Variants in CACNG3 observed in about 807,000 individuals in gnomAD.
CACNG3 encodes voltage-dependent calcium channel gamma-3 subunit.
CACNG3 carries 3 observed loss-of-function variants against 28.5 expected under a neutral mutation model. The ratio of observed to expected loss-of-function variants is 0.11; its 90% confidence interval spans 0.05 to 0.27. The LOEUF (loss-of-function observed/expected upper bound fraction) is 0.27. Ranked by LOEUF, CACNG3 falls within the 10% of genes least tolerant of loss-of-function variation. The pLI, the probability that CACNG3 is intolerant of heterozygous loss-of-function variation, is 1.00. For missense variants in CACNG3, 236 were observed against 414.4 expected (o/e 0.57, Z 3.74); for synonymous variants, 174 against 162.2 (o/e 1.07, Z -0.55).
intron 1 of CACNG3, among the ~76,000 whole-genome samples, chr16:24,274,844 T>C (rs1055837353): frequency 2.0e-5 from 3 of 152,184 alleles, no homozygotes; most frequent in Non-Finnish European, 4.4e-5. Flanking sequence ...GTTTTATCAA[T>C]GAGTAAATGG....
At chr16:24,258,985 C>A (rs1275411858) in intron 1 of CACNG3, among the ~76,000 whole-genome samples, 1 of 152,192 alleles carries the variant, frequency 6.6e-6, no homozygotes, top group Non-Finnish European at 1.5e-5. Flanking sequence ...TTTCCAACAT[C>A]AAGTCCTACA....
intron 1 of CACNG3, among the ~76,000 whole-genome samples, chr16:24,318,751 G>T (rs1471925385): frequency 6.6e-6 from 1 of 152,154 alleles, no homozygotes; most frequent in Admixed American, 6.5e-5. Context: ...ACCAGAGGAA[G>T]GGCAGCTGTT....
chr16:24,291,068 C>G (rs1163742376), intron 1 of CACNG3, among the ~76,000 whole-genome samples: 2 of 152,212 alleles, frequency 1.3e-5, no homozygotes, highest in African/African-American at 2.4e-5. Flanking sequence ...TGTCACTTCA[C>G]TCTCCTGGGA....
At chr16:24,281,640 C>G (rs1375104555) in intron 1 of CACNG3, among the ~76,000 whole-genome samples, 1 of 152,128 alleles carries the variant, frequency 6.6e-6, no homozygotes, top group Non-Finnish European at 1.5e-5. Context: ...AAAGGGTCCC[C>G]GAAAGGTTGA....
At chr16:24,356,118 C>T (rs1900027957) in intron 3 of CACNG3, among the ~76,000 whole-genome samples, 1 of 152,154 alleles carries the variant, frequency 6.6e-6, no homozygotes, top group African/African-American at 2.4e-5. Context: ...TCCTACCCCA[C>T]TCCTCTTGGG....
At chr16:24,261,713 T>TA (rs1161698640) in intron 1 of CACNG3, among the ~76,000 whole-genome samples, 1 of 152,198 alleles carries the variant, frequency 6.6e-6, no homozygotes, top group Non-Finnish European at 1.5e-5. Context: ...ACAAGGAACT[T>TA]AAAGTTATGG....
At chr16:24,289,329 A>G (rs918478758) in intron 1 of CACNG3, among the ~76,000 whole-genome samples, 1 of 152,154 alleles carries the variant, frequency 6.6e-6, no homozygotes, top group African/African-American at 2.4e-5. Flanking sequence ...AAAAGAAAAA[A>G]AATCCCTTCA....
At chr16:24,350,626 AC>A (rs1899928651) in intron 2 of CACNG3, among the ~76,000 whole-genome samples, 2 of 152,212 alleles carry the variant, frequency 1.3e-5, no homozygotes, top group African/African-American at 4.8e-5. Flanking sequence ...TGTGTAACCA[AC>A]ACAGTTCAAT....
intron 1 of CACNG3, among the ~76,000 whole-genome samples, chr16:24,294,358 G>A (rs1482524353): frequency 2.0e-5 from 3 of 152,250 alleles, no homozygotes; most frequent in Admixed American, 1.3e-4. Context: ...AAGGCCTCGG[G>A]GTCCCCAGCC....
chr16:24,341,607 T>C lies in CACNG3; in HGVS notation c.212-5127T>C, dbSNP rs76631697. Among the ~76,000 whole-genome samples, 1,433 of 152,316 alleles carry C rather than the reference T, an allele frequency of 9.4e-3. 15 individuals carry two copies. The highest frequency in any genetic ancestry group is 0.014 in the Non-Finnish European group (971 of 68,030). ...TCATGGCAACTCCATGAAGTTACTA[T>C]TATTATCTTCATTCTGTAGAAGAAG... On this transcript the variant is annotated intron_variant, in intron 1 of 3. Transcript: ENST00000005284.
intron 1 of CACNG3, among the ~76,000 whole-genome samples, chr16:24,275,620 T>A (rs1422570633): frequency 6.6e-6 from 1 of 152,236 alleles, no homozygotes; most frequent in Non-Finnish European, 1.5e-5. Flanking sequence ...CTTGGGTATT[T>A]GGCAGACATT....
chr16:24,324,895 C>A (rs934454073), intron 1 of CACNG3, among the ~76,000 whole-genome samples: 3 of 152,188 alleles, frequency 2.0e-5, no homozygotes, highest in Non-Finnish European at 1.5e-5. Context: ...CCGCTTTCAA[C>A]TCTCAGGCCA....
At chr16:24,340,381 G>C (rs1236603979) in intron 1 of CACNG3, among the ~76,000 whole-genome samples, 1 of 152,148 alleles carries the variant, frequency 6.6e-6, no homozygotes, top group Non-Finnish European at 1.5e-5. Context: ...CTGGGCAACA[G>C]AGCGAGACCC....
intron 1 of CACNG3, among the ~76,000 whole-genome samples, chr16:24,285,347 G>A (rs563163862): frequency 1.4e-4 from 22 of 152,204 alleles, no homozygotes; most frequent in African/African-American, 2.4e-4. Context: ...AGAGTAACCC[G>A]TTTACTGCAC....
rs1900104727 is a variant in CACNG3 at position 24,361,758 on chromosome 16, C to T, written c.843C>T (p.Asn281=). The change falls in exon 4 of 4, where the codon AAC becomes AAT. Residue 281 remains asparagine, a synonymous_variant. Coordinates refer to ENST00000005284, the MANE Select transcript of CACNG3 (RefSeq NM_006539.4). This position sits in a 1 kb window ranked among gnomAD's most constrained non-coding sequence, Gnocchi z 6.8. The part of the protein sequence containing the change: ...PSKITMGTLL[N]SDRDHAFLQF... Reference sequence around the variant, plus strand: ...AGATCACCATGGGGACCCTCCTCAACTCCGACCGGGACCACGCTTTTCTAC... The same window carrying T: ...AGATCACCATGGGGACCCTCCTCAATTCCGACCGGGACCACGCTTTTCTAC... 29 of 1,614,112 alleles carry T rather than the reference C, an allele frequency of 1.8e-5. No individual in the cohort carries two copies. The highest frequency in any genetic ancestry group is 1.9e-5 in the Non-Finnish European group (23 of 1,180,018).
At chr16:24,264,290 C>T (rs560791076) in intron 1 of CACNG3, among the ~76,000 whole-genome samples, 40 of 152,318 alleles carry the variant, frequency 2.6e-4, no homozygotes, top group East Asian at 5.8e-4. Context: ...ACCTTGGTTC[C>T]GAACTGACTC....
Position 24,318,388 on chromosome 16 carries a change from C to T in CACNG3, c.212-28346C>T, listed in dbSNP as rs997206415. ...TGTATTTTTAGTAGAGATGGGGTTT[C>T]ACCATGCTGGCCAGGCTGGTCTCAA... On this transcript the variant is annotated intron_variant, in intron 1 of 3. Transcript: ENST00000005284. Among the ~76,000 whole-genome samples the T allele has an allele frequency of 3.9e-5, 6 of 152,202 alleles. No homozygotes were observed. In the South Asian group the frequency reaches 1.0e-3, roughly 26 times the overall value.
At chr16:24,291,701 G>A (rs923159684) in intron 1 of CACNG3, among the ~76,000 whole-genome samples, 1 of 152,152 alleles carries the variant, frequency 6.6e-6, no homozygotes, top group African/African-American at 2.4e-5. Flanking sequence ...GGTGTGTGAT[G>A]TAGGACAAGT....
At chr16:24,349,024 A>G (rs76317049) in intron 2 of CACNG3, among the ~76,000 whole-genome samples, 4,502 of 152,308 alleles carry the variant, frequency 0.03, 180 homozygotes, top group African/African-American at 0.091. Context: ...AATTGGGCTA[A>G]GGTTAAGGAG....
Sources: allele counts gnomAD v4.1 joint callset (sites outside exome capture counted in the v4.1 genomes callset), GRCh38; gene constraint gnomAD v4.1.1; non-coding constraint Gnocchi (gnomAD v3.1); transcripts MANE v1.5; gene names NCBI Gene and HGNC (gene_info 2026-07-23, HGNC 2026-07-21).